The following PCDH15 variants were observed in gnomAD, a reference collection of about 807,000 sequenced individuals.
The protein encoded by PCDH15 is protocadherin-15.
In PCDH15, 129 loss-of-function variants were observed where a neutral mutation model predicts 178.5. The ratio of observed to expected loss-of-function variants is 0.72; its 90% confidence interval spans 0.63 to 0.84. The LOEUF (loss-of-function observed/expected upper bound fraction) is 0.84. PCDH15 is among the 40% of genes least tolerant of loss of function. The pLI, the probability that PCDH15 is intolerant of heterozygous loss-of-function variation, is 0.00. For missense variants in PCDH15, 2,230 were observed against 2,099.9 expected, an observed-to-expected ratio of 1.06 and a Z score of -1.21; for synonymous variants, 800 against 732.0, an observed-to-expected ratio of 1.09 and a Z score of -1.50.
At chr10:54,460,570 C>G (rs2077104065) in intron 3 of PCDH15, among the ~76,000 whole-genome samples, 1 of 151,898 alleles carries the variant, frequency 6.6e-6, no homozygotes, top group Non-Finnish European at 1.5e-5. Flanking sequence ...GAGCGGGAAT[C>G]CCAGTTTTTT....
intron 2 of PCDH15, among the ~76,000 whole-genome samples, chr10:55,602,665 G>A (rs1291863454): frequency 6.7e-6 from 1 of 148,442 alleles, no homozygotes; most frequent in Non-Finnish European, 1.5e-5. Context: ...CAACAGACCT[G>A]CAGCTGAGGG....
intron 2 of PCDH15, among the ~76,000 whole-genome samples, chr10:55,050,476 T>C (rs537003751): frequency 5.3e-5 from 8 of 152,044 alleles, no homozygotes; most frequent in Non-Finnish European, 1.0e-4. Context: ...TCCTATGAGA[T>C]GTTTTAATAT....
At chr10:55,372,930 T>C (rs1450610456) in intron 2 of PCDH15, among the ~76,000 whole-genome samples, 3 of 152,084 alleles carry the variant, frequency 2.0e-5, no homozygotes, top group Non-Finnish European at 1.5e-5. Flanking sequence ...AAGAAAAAAA[T>C]TGATAAATAA....
intron 28 of PCDH15, among the ~76,000 whole-genome samples, chr10:53,852,186 TTTC>T (rs2078428315): frequency 6.6e-6 from 1 of 152,058 alleles, no homozygotes; most frequent in South Asian, 2.1e-4. Context: ...CATTTCATAG[TTTC>T]TTCTTTAGAC....
intron 26 of PCDH15, among the ~76,000 whole-genome samples, chr10:53,875,043 CA>C (rs969964409): frequency 5.7e-4 from 81 of 142,012 alleles, no homozygotes; most frequent in African/African-American, 1.1e-3. Context: ...TGAACAACCT[CA>C]AAAAAAAAAA....
intron 2 of PCDH15, among the ~76,000 whole-genome samples, chr10:55,405,076 T>C (rs925195264): frequency 1.3e-5 from 2 of 151,402 alleles, no homozygotes; most frequent in Non-Finnish European, 3.0e-5. Flanking sequence ...AAAAAGATTA[T>C]ATTGCCACAC....
intron 3 of PCDH15, among the ~76,000 whole-genome samples, chr10:54,872,163 A>G (rs1288395015): frequency 2.0e-5 from 3 of 152,028 alleles, no homozygotes; most frequent in African/African-American, 7.2e-5. Flanking sequence ...ATATGTATAT[A>G]TGTATTTATT....
At chr10:54,451,484 T>C (rs2076475848) in intron 3 of PCDH15, among the ~76,000 whole-genome samples, 1 of 151,902 alleles carries the variant, frequency 6.6e-6, no homozygotes, top group African/African-American at 2.4e-5. Context: ...AGCATCTGCG[T>C]TTTGGAAAGT....
intron 2 of PCDH15, among the ~76,000 whole-genome samples, chr10:54,908,806 A>G (rs1954769681): frequency 2.6e-5 from 4 of 152,086 alleles, no homozygotes; most frequent in South Asian, 4.2e-4. Context: ...CTCAGCAGAG[A>G]GGGTAGCTCC....
At chr10:54,508,647 G>C (rs7902993) in intron 3 of PCDH15, among the ~76,000 whole-genome samples, 3 of 151,906 alleles carry the variant, frequency 2.0e-5, no homozygotes, top group African/African-American at 7.3e-5. Flanking sequence ...AATGGTTATA[G>C]GGGTGTTCAT....
At chr10:55,000,032 G>A (rs1244874628) in intron 2 of PCDH15, among the ~76,000 whole-genome samples, 2 of 152,180 alleles carry the variant, frequency 1.3e-5, no homozygotes, top group Non-Finnish European at 2.9e-5. Flanking sequence ...AGGACCACAG[G>A]ACAGGGGTGA....
intron 16 of PCDH15, among the ~76,000 whole-genome samples, chr10:54,081,941 G>C (rs1158635150): frequency 6.6e-6 from 1 of 152,108 alleles, no homozygotes; most frequent in African/African-American, 2.4e-5. Context: ...CTGGAAAACA[G>C]TCACAGGTTT....
At chr10:55,283,446 A>G (rs375157837) in intron 1 of PCDH15, among the ~76,000 whole-genome samples, 3 of 152,106 alleles carry the variant, frequency 2.0e-5, no homozygotes, top group African/African-American at 7.2e-5. Flanking sequence ...CCAGCTCTGC[A>G]TGAATTAAAC....
At chr10:54,559,286 A>C (rs1590106522) in intron 2 of PCDH15, among the ~76,000 whole-genome samples, 1 of 152,166 alleles carries the variant, frequency 6.6e-6, no homozygotes, top group Admixed American at 6.6e-5. Flanking sequence ...TGTGAGTCTG[A>C]AAAATAATGT....
chr10:55,061,738 T>C (rs989843557), intron 2 of PCDH15, among the ~76,000 whole-genome samples: 2 of 152,168 alleles, frequency 1.3e-5, no homozygotes, highest in African/African-American at 2.4e-5. Context: ...AATTAGCTAC[T>C]GGCCAGATGC....
At chr10:54,265,652 CT>C (rs2057626045) in intron 8 of PCDH15, among the ~76,000 whole-genome samples, 1 of 151,874 alleles carries the variant, frequency 6.6e-6, no homozygotes, top group Non-Finnish European at 1.5e-5. Context: ...GATCTTAAGC[CT>C]AAAACAGAAA....
At chr10:55,166,940 T>G (rs1839210860) in intron 1 of PCDH15, among the ~76,000 whole-genome samples, 1 of 152,172 alleles carries the variant, frequency 6.6e-6, no homozygotes, top group Non-Finnish European at 1.5e-5. Context: ...CACTTCCACC[T>G]GCATATTTGG....
intron 2 of PCDH15, among the ~76,000 whole-genome samples, chr10:55,027,354 C>T (rs1258285580): frequency 6.6e-6 from 1 of 151,628 alleles, no homozygotes; most frequent in East Asian, 1.9e-4. Context: ...CAAAGTCACA[C>T]TGTCTAGATT....
intron 3 of PCDH15, among the ~76,000 whole-genome samples, chr10:54,884,110 A>G (rs570115645): frequency 6.6e-6 from 1 of 152,122 alleles, no homozygotes; most frequent in African/African-American, 2.4e-5. Flanking sequence ...GCACACTCAA[A>G]TCAGTTTTAG....
Sources: gnomAD v4.1 joint callset for allele counts (sites outside exome capture counted in the v4.1 genomes callset) on GRCh38, gnomAD v4.1.1 for gene constraint, MANE v1.5 for transcripts, NCBI Gene and HGNC (gene_info 2026-07-23, HGNC 2026-07-21) for gene names.